SEZ6: variants seen among roughly 807,000 people sequenced by gnomAD.
SEZ6 encodes seizure protein 6 homolog.
In SEZ6, 53 loss-of-function variants were observed where a neutral mutation model predicts 101.0. That is an observed-to-expected ratio of 0.52 (90% CI 0.42 to 0.66). SEZ6 has a LOEUF of 0.66. Ranked by LOEUF, SEZ6 falls within the 30% of genes least tolerant of loss-of-function variation. The pLI is 0.00. For synonymous variants in SEZ6, 488 were observed against 512.2 expected (o/e 0.95, Z 0.64); for missense variants, 1,102 against 1,289.4 (o/e 0.85, Z 2.23).
intron 5 of SEZ6, among the ~76,000 whole-genome samples, chr17:28,962,545 G>A (rs930625180): frequency 4.6e-5 from 7 of 152,138 alleles, no homozygotes; most frequent in African/African-American, 9.7e-5. Flanking sequence ...TTGGGAGGCC[G>A]AGGCAGGTGG....
At chr17:28,956,865 A>G in intron 13 of SEZ6, 108 bp from the exon 14 acceptor site, 1 of 1,424,512 alleles carries the variant, frequency 7.0e-7, no homozygotes, top group Non-Finnish European at 9.7e-7. Flanking sequence ...TTGTCCAAGG[A>G]GAGGCCACTC....
Position 28,979,576 on chromosome 17 carries a change from T to A in SEZ6, c.858+104A>T, listed in dbSNP as rs990551666. ...CCTGGCCTTAGGCGATGCCCCACAA[T>A]TGATGCCCCTAATCATCCCCACATC... On this transcript the variant is annotated intron_variant, in intron 3 of 16. Transcript: ENST00000317338. The A allele has an allele frequency of 4.6e-6, 7 of 1,524,464 alleles. No individual in the cohort carries two copies. The African/African-American group carries it at 9.6e-5, about 21-fold the overall frequency. The allele number at this position is 1,524,464 out of a possible 1,614,324, so 94.4% of individuals were successfully genotyped here. A position where few individuals can be genotyped will look rare whatever the true frequency, so the allele number is the denominator to read the frequency against.
At chr17:28,966,407 CG>C (rs1254787769) in intron 4 of SEZ6, among the ~76,000 whole-genome samples, 10 of 151,102 alleles carry the variant, frequency 6.6e-5, no homozygotes, top group Non-Finnish European at 1.0e-4. Flanking sequence ...CGCTTGAACT[CG>C]GGAGGCAGAG....
intron 1 of SEZ6, among the ~76,000 whole-genome samples, chr17:29,004,269 G>A (rs2041654938): frequency 6.6e-6 from 1 of 152,224 alleles, no homozygotes; most frequent in Admixed American, 6.5e-5. Context: ...CCCCAGGGGA[G>A]CTGTCCAGCG....
chr17:28,972,913 G>C (rs377289241), intron 3 of SEZ6, among the ~76,000 whole-genome samples: 2 of 152,202 alleles, frequency 1.3e-5, no homozygotes, highest in South Asian at 4.1e-4. Context: ...AGGAGGAAGG[G>C]AGGACGCTCA....
chr17:28,989,838 T>TG (rs1253360055), intron 1 of SEZ6, among the ~76,000 whole-genome samples: 7 of 152,028 alleles, frequency 4.6e-5, no homozygotes, highest in African/African-American at 7.2e-5. Flanking sequence ...GAAGCCGAGG[T>TG]GGGGGGATCA....
chr17:28,956,116 A>G, intron 16 of SEZ6, 43 bp downstream of exon 16: 1 of 1,598,230 alleles, frequency 6.3e-7, no homozygotes, highest in African/African-American at 1.3e-5. Context: ...GAAGCAAAGA[A>G]CTGGGTCTTG....
At chr17:29,002,110 G>T (rs1423898382) in intron 1 of SEZ6, among the ~76,000 whole-genome samples, 2 of 151,266 alleles carry the variant, frequency 1.3e-5, no homozygotes, top group Non-Finnish European at 2.9e-5. Flanking sequence ...TTTTGGTGGG[G>T]GTAGGGGTGG....
intron 1 of SEZ6, among the ~76,000 whole-genome samples, chr17:29,001,081 A>C (rs931132329): frequency 6.6e-6 from 1 of 152,188 alleles, no homozygotes; most frequent in East Asian, 1.9e-4. Flanking sequence ...GAAAAAACGA[A>C]GTAAAGGCTG....
chr17:28,958,176 G>C lies in SEZ6; in HGVS notation c.2108-35C>G, dbSNP rs762213956. ...CAGAGGCACAAGATGCAGGCCCTCG[G>C]CCAGCACCAAAGTGACTGTCCCCCT... On this transcript the variant is annotated intron_variant, in intron 10 of 16. Transcript: ENST00000317338. The C allele has an allele frequency of 1.9e-6, 3 of 1,559,414 alleles. No homozygotes were observed. In the South Asian group the frequency reaches 3.6e-5, roughly 19 times the overall value.
intron 7 of SEZ6, chr17:28,960,139 A>G: frequency 1.7e-6 from 1 of 589,122 alleles, no homozygotes; most frequent in East Asian, 2.8e-5. Flanking sequence ...AGTACACAGA[A>G]GGTACTCCAT....
At chr17:29,003,930 G>A (rs1354801171) in intron 1 of SEZ6, among the ~76,000 whole-genome samples, 1 of 152,202 alleles carries the variant, frequency 6.6e-6, no homozygotes, top group Non-Finnish European at 1.5e-5. Flanking sequence ...CACAGAGTGA[G>A]CAGATTCCTC....
intron 4 of SEZ6, among the ~76,000 whole-genome samples, chr17:28,967,910 T>C (rs1567987679): frequency 6.6e-6 from 1 of 152,148 alleles, no homozygotes; most frequent in African/African-American, 2.4e-5. Context: ...TCTGTTGAGT[T>C]ATTTTCTCAC....
In SEZ6 at chr17:28,956,723, C is replaced by T. The variant is rs1364803794; in HGVS notation, c.2727G>A (p.Leu909=). Residue 909 remains leucine (L), a synonymous_variant, in exon 14 of 17, where the codon CTG becomes CTA. Transcript: ENST00000317338. The part of the protein sequence containing the change: ...SLDGFYNSRS[L]DVAKAPAASS... ...GCCTCAAGGGTGGAGACTTACCATCCAGGCTGCGACTGTTGTAGAACCCAT... is the reference window on the plus strand; with the variant it reads ...GCCTCAAGGGTGGAGACTTACCATCTAGGCTGCGACTGTTGTAGAACCCAT... 3 of 1,562,052 alleles carry T rather than the reference C, an allele frequency of 1.9e-6. No individual in the cohort carries two copies. The highest frequency in any genetic ancestry group is 8.7e-7 in the Non-Finnish European group (1 of 1,152,918).
chr17:28,971,154 A>T (rs767979125), intron 3 of SEZ6, among the ~76,000 whole-genome samples: 1 of 152,228 alleles, frequency 6.6e-6, no homozygotes, highest in Non-Finnish European at 1.5e-5. Context: ...CTGGGACCTC[A>T]TCCTAACCAT....
rs1308834065 is a variant in SEZ6 at position 28,964,037 on chromosome 17, G to A, written c.1165C>T (p.Leu389=). Residue 389 remains leucine (L), a synonymous_variant, in exon 5 of 17, where the codon CTG becomes TTG. Coordinates refer to ENST00000317338, the MANE Select transcript of SEZ6 (RefSeq NM_178860.5). ...ARFHCATGYQ[L]KGARHLTCLN... ...CAGGTGAGATGCCTGGCGCCCTTCA[G>A]CTGGTAGCCAGTGGCACAATGGAAG... 1 of 1,611,274 alleles carries A rather than the reference G, an allele frequency of 6.2e-7. No individual in the cohort carries two copies. The highest frequency in any genetic ancestry group is 8.5e-7 in the Non-Finnish European group (1 of 1,178,762).
At chr17:28,964,353 A>G (rs949078432) in intron 4 of SEZ6, among the ~76,000 whole-genome samples, 2 of 152,162 alleles carry the variant, frequency 1.3e-5, no homozygotes, top group African/African-American at 4.8e-5. Context: ...AGTGGAGCAG[A>G]CAGAGCTGGA....
intron 14 of SEZ6, 114 bp from the exon 15 acceptor site, chr17:28,956,581 A>AG (rs2040882191): frequency 6.8e-7 from 1 of 1,475,038 alleles, no homozygotes. Context: ...GGCTGGGTGT[A>AG]GGGAAGGAGC....
At position 28,959,005 on chromosome 17, in the gene SEZ6, T is replaced by C. The variant is rs1156862532; in HGVS notation, c.2107+20A>G. 1.9e-6 allele frequency: 3 copies of C among 1,594,744 alleles called. No individual in the cohort carries two copies. Among genetic ancestry groups the C allele is most frequent in the Non-Finnish European group, 2.6e-6 (3 of 1,168,630 alleles). ...CATGGCTTGCTGTCTGCACTCTGAG[T>C]GGGGTAGGGACAAGCTCACCAAAGA... is the stretch of plus-strand genomic sequence containing the variant. On this transcript the variant is annotated intron_variant, in intron 10 of 16. Transcript: ENST00000317338. This position sits in a 1 kb window ranked among gnomAD's most constrained non-coding sequence, Gnocchi z 4.4.
Sources: allele counts gnomAD v4.1 joint callset (sites outside exome capture counted in the v4.1 genomes callset), GRCh38; gene constraint gnomAD v4.1.1; non-coding constraint Gnocchi (gnomAD v3.1); transcripts MANE v1.5; gene names NCBI Gene and HGNC (gene_info 2026-07-23, HGNC 2026-07-21).